PARD3B: variants seen among roughly 807,000 people sequenced by gnomAD.
PARD3B encodes partitioning defective 3 homolog B.
A neutral mutation model predicts 130.2 loss-of-function variants in PARD3B; 103 were observed. That is an observed-to-expected ratio of 0.79 (90% CI 0.67 to 0.93). PARD3B has a LOEUF of 0.93. PARD3B is among the 40% of genes least tolerant of loss of function. The probability of loss-of-function intolerance (pLI) is 0.00; values close to 1 mark genes in which losing one functional copy is unlikely to be tolerated. For synonymous variants in PARD3B, 583 were observed against 553.2 expected (o/e 1.05, Z -0.76); for missense variants, 1,609 against 1,499.2 (o/e 1.07, Z -1.21).
chr2:204,863,223 T>C (rs1304226067), intron 2 of PARD3B, among the ~76,000 whole-genome samples: 1 of 152,196 alleles, frequency 6.6e-6, no homozygotes, highest in East Asian at 1.9e-4. Flanking sequence ...TGAGGCCTTA[T>C]TCATTGTTGC....
intron 21 of PARD3B, among the ~76,000 whole-genome samples, chr2:205,545,275 T>G (rs1318559312): frequency 6.6e-6 from 1 of 152,198 alleles, no homozygotes; most frequent in Non-Finnish European, 1.5e-5. Context: ...TTAGCAAAAG[T>G]CTTAATATTA....
chr2:205,174,567 A>T (rs1559509921), intron 12 of PARD3B, among the ~76,000 whole-genome samples: 3 of 152,184 alleles, frequency 2.0e-5, no homozygotes, highest in Admixed American at 1.3e-4. Context: ...TTGTGTGCTC[A>T]TGTTTTTGCT....
chr2:204,574,361 T>A (rs1291228838), intron 1 of PARD3B, among the ~76,000 whole-genome samples: 2 of 152,212 alleles, frequency 1.3e-5, no homozygotes, highest in African/African-American at 4.8e-5. Flanking sequence ...TAAATTTTGT[T>A]TGGATACATG....
chr2:204,786,756 A>G (rs2042022867), intron 2 of PARD3B, among the ~76,000 whole-genome samples: 1 of 151,492 alleles, frequency 6.6e-6, no homozygotes, highest in African/African-American at 2.4e-5. Context: ...GAGTCATTTC[A>G]GAGATGGTGT....
At chr2:204,690,608 C>A (rs1408651526) in intron 2 of PARD3B, among the ~76,000 whole-genome samples, 2 of 152,132 alleles carry the variant, frequency 1.3e-5, no homozygotes, top group East Asian at 3.9e-4. Flanking sequence ...GGAATGGATT[C>A]TCCCCTAAAG....
At chr2:205,587,205 T>G (rs897611617) in intron 22 of PARD3B, among the ~76,000 whole-genome samples, 17 of 152,220 alleles carry the variant, frequency 1.1e-4, no homozygotes, top group South Asian at 6.2e-4. Context: ...AATGAGTCAT[T>G]GCATCTTGAA....
chr2:204,954,287 C>T (rs1421745868), intron 2 of PARD3B, among the ~76,000 whole-genome samples: 1 of 152,110 alleles, frequency 6.6e-6, no homozygotes, highest in Admixed American at 6.5e-5. Context: ...GCCTTGTCAT[C>T]CATGACAAGG....
At chr2:204,649,934 A>C (rs1382665102) in intron 1 of PARD3B, among the ~76,000 whole-genome samples, 1 of 152,224 alleles carries the variant, frequency 6.6e-6, no homozygotes, top group African/African-American at 2.4e-5. Flanking sequence ...TAAACTTAAA[A>C]GCTTCTGCAC....
At chr2:205,354,160 T>C (rs555912230) in intron 18 of PARD3B, among the ~76,000 whole-genome samples, 41 of 149,914 alleles carry the variant, frequency 2.7e-4, no homozygotes, top group African/African-American at 9.8e-4. Flanking sequence ...CACCTCAGCC[T>C]CCTGAGTAGC....
intron 2 of PARD3B, among the ~76,000 whole-genome samples, chr2:204,886,079 T>C (rs557049383): frequency 6.6e-6 from 1 of 152,318 alleles, no homozygotes; most frequent in Admixed American, 6.5e-5. Context: ...GGCTTAATGA[T>C]CTTTCAGACT....
intron 20 of PARD3B, among the ~76,000 whole-genome samples, chr2:205,476,220 C>T (rs371408406): frequency 6.6e-6 from 1 of 152,148 alleles, no homozygotes; most frequent in Admixed American, 6.6e-5. Flanking sequence ...TACACGTTGT[C>T]GGAATGCATG....
chr2:204,832,493 CTG>C (rs1488363314), intron 2 of PARD3B, among the ~76,000 whole-genome samples: 1 of 152,180 alleles, frequency 6.6e-6, no homozygotes, highest in East Asian at 1.9e-4. Context: ...GAACTTGACA[CTG>C]TGAGACAGTG....
At chr2:205,053,208 A>G (rs1024197206) in intron 4 of PARD3B, among the ~76,000 whole-genome samples, 1 of 152,126 alleles carries the variant, frequency 6.6e-6, no homozygotes, top group Non-Finnish European at 1.5e-5. Context: ...TTGCCCCTGT[A>G]TTAAACTTCC....
At chr2:205,256,911 T>C (rs954656591) in intron 16 of PARD3B, among the ~76,000 whole-genome samples, 9 of 152,098 alleles carry the variant, frequency 5.9e-5, no homozygotes, top group Non-Finnish European at 1.0e-4. Flanking sequence ...CATTTATGGG[T>C]TGCTGGAAAA....
intron 10 of PARD3B, among the ~76,000 whole-genome samples, chr2:205,150,319 G>A (rs2033669886): frequency 6.6e-6 from 1 of 151,568 alleles, no homozygotes; most frequent in Non-Finnish European, 1.5e-5. Context: ...AGGAGAATCC[G>A]AGGTCTAGAT....
chr2:204,564,380 A>T (rs184216620), intron 1 of PARD3B, among the ~76,000 whole-genome samples: 29 of 152,252 alleles, frequency 1.9e-4, no homozygotes, highest in Admixed American at 1.4e-3. Flanking sequence ...AGGATGAGGG[A>T]GAGTGTATCA....
At chr2:205,165,634 C>A (rs919358295) in intron 11 of PARD3B, among the ~76,000 whole-genome samples, 31 of 151,718 alleles carry the variant, frequency 2.0e-4, no homozygotes, top group Admixed American at 7.2e-4. Flanking sequence ...AGGAGAATTG[C>A]TTGAACCAGG....
At chr2:205,200,115 G>A (rs1208079661) in intron 15 of PARD3B, among the ~76,000 whole-genome samples, 2 of 152,098 alleles carry the variant, frequency 1.3e-5, no homozygotes, top group East Asian at 3.9e-4. Flanking sequence ...GTTTATAAAA[G>A]TATTTCCATT....
intron 4 of PARD3B, among the ~76,000 whole-genome samples, chr2:205,069,451 T>C (rs1700586869): frequency 6.6e-6 from 1 of 152,118 alleles, no homozygotes; most frequent in South Asian, 2.1e-4. Flanking sequence ...TACTGATCTG[T>C]TTGGTTTTAT....
Sources: allele counts gnomAD v4.1 joint callset (sites outside exome capture counted in the v4.1 genomes callset), GRCh38; gene constraint gnomAD v4.1.1; transcripts MANE v1.5; gene names NCBI Gene and HGNC (gene_info 2026-07-23, HGNC 2026-07-21).